EIF4G1: variants seen among roughly 807,000 people sequenced by gnomAD.
The protein encoded by EIF4G1 is EIF4-gamma.
In EIF4G1, 4 loss-of-function variants were observed where a neutral mutation model predicts 187.8. The observed-to-expected ratio is 0.02, with a 90% confidence interval of 0.01 to 0.05. EIF4G1 has a LOEUF of 0.05. Ranked by LOEUF, EIF4G1 falls within the 10% of genes least tolerant of loss-of-function variation. The pLI is 1.00. For synonymous variants in EIF4G1, 844 were observed against 781.4 expected (o/e 1.08, Z -1.34); for missense variants, 1,647 against 2,081.1 (o/e 0.79, Z 4.06).
intron 23 of EIF4G1, 67 bp downstream of exon 23, chr3:184,327,050 A>G (rs1286780534): frequency 3.1e-6 from 5 of 1,606,434 alleles, no homozygotes; most frequent in African/African-American, 1.3e-5. Flanking sequence ...GGTTGTTGCC[A>G]TAGGTTGGAA....
intron 32 of EIF4G1, among the ~76,000 whole-genome samples, chr3:184,332,760 A>G (rs1292217122): frequency 1.3e-5 from 2 of 152,070 alleles, no homozygotes; most frequent in African/African-American, 4.8e-5. Flanking sequence ...CTATGGTAGG[A>G]AGAACTTGAC....
chr3:184,329,774 G>A (rs1425781531), intron 28 of EIF4G1, among the ~76,000 whole-genome samples: 2 of 152,228 alleles, frequency 1.3e-5, no homozygotes, highest in East Asian at 3.8e-4. Flanking sequence ...TCAGGGTGCT[G>A]AAGCGGCTTT....
intron 6 of EIF4G1, among the ~76,000 whole-genome samples, chr3:184,318,924 A>G (rs569079115): frequency 7.6e-4 from 116 of 152,078 alleles, no homozygotes; most frequent in Non-Finnish European, 1.5e-3. Flanking sequence ...CTAAAAATAC[A>G]AAAATTAGGC....
intron 4 of EIF4G1, among the ~76,000 whole-genome samples, chr3:184,317,049 G>T (rs1478179850): frequency 6.6e-6 from 1 of 152,202 alleles, no homozygotes; most frequent in Non-Finnish European, 1.5e-5. Flanking sequence ...TCTGCAGAGG[G>T]GTAGTTTGGT....
chr3:184,321,155 A>G, intron 9 of EIF4G1, 127 bp from the exon 10 acceptor site: 4 of 1,493,170 alleles, frequency 2.7e-6, no homozygotes, highest in Non-Finnish European at 3.7e-6. Context: ...AAGTGGAAGT[A>G]TAGCTTAGGT....
chr3:184,328,032 T>C (rs1030983298), intron 26 of EIF4G1, 30 bp downstream of exon 26: 2 of 1,598,678 alleles, frequency 1.3e-6, no homozygotes, highest in Admixed American at 1.7e-5. Flanking sequence ...GCCTCCCACT[T>C]ATACAGACCC....
chr3:184,319,675 C>T lies in EIF4G1; in HGVS notation c.425-14C>T, dbSNP rs748681638. 4 of 1,517,598 alleles carry T rather than the reference C, an allele frequency of 2.6e-6. No individual in the cohort carries two copies. The highest frequency in any genetic ancestry group is 1.9e-5 in the Admixed American group (1 of 52,622). 94.0% of individuals were successfully genotyped at this position (1,517,598 alleles called of 1,614,324 possible). A position where few individuals can be genotyped will look rare whatever the true frequency, so the allele number is the denominator to read the frequency against. On this transcript the variant is annotated splice_polypyrimidine_tract_variant and intron_variant, in intron 6 of 32. Transcript: ENST00000346169. Reference sequence around the variant, plus strand: ...GACGCTACCACCATTCTTCTCCGTCCCCCCTCCCCCAAGCTGGCGCCTACT... The same window carrying T: ...GACGCTACCACCATTCTTCTCCGTCTCCCCTCCCCCAAGCTGGCGCCTACT...
In EIF4G1 at chr3:184,334,632, G is replaced by A; in HGVS notation, c.4619-95G>A. ...ACAAATGTCAGGCTGGTGCATCAGG[G>A]CCTTGTTTGAACAGTGGAACTTGGG... On this transcript the variant is annotated intron_variant, in intron 32 of 32. Transcript: ENST00000346169. This position sits in a 1 kb window ranked among gnomAD's most constrained non-coding sequence, Gnocchi z 5.8. 6.8e-7 allele frequency: 1 copy of A among 1,466,286 alleles called. No homozygotes were observed. 90.8% of individuals were successfully genotyped at this position (1,466,286 alleles called of 1,614,324 possible). A position where few individuals can be genotyped will look rare whatever the true frequency, so the allele number is the denominator to read the frequency against.
intron 28 of EIF4G1, among the ~76,000 whole-genome samples, chr3:184,330,044 A>G (rs950975541): frequency 4.6e-5 from 7 of 152,232 alleles, no homozygotes; most frequent in Non-Finnish European, 7.3e-5. Context: ...TGTGTATTTC[A>G]TCAACTCCAA....
At chr3:184,315,315 C>G (rs1398356498) in intron 1 of EIF4G1, 174 bp from the exon 2 acceptor site, 1 of 497,006 alleles carries the variant, frequency 2.0e-6, no homozygotes, top group African/African-American at 1.9e-5. Flanking sequence ...TCCTGTGTGC[C>G]CCTGGGCCAG....
At position 184,322,449 on chromosome 3, in the gene EIF4G1, A is replaced by T. The variant is rs199642332; in HGVS notation, c.1607A>T (p.Glu536Val). 1.2e-6 allele frequency: 2 copies of T among 1,614,098 alleles called. No homozygotes were observed. The highest frequency in any genetic ancestry group is 1.7e-6 in the Non-Finnish European group (2 of 1,180,016). ...AVGDLLDAFKEANPAVPEVEN... is the reference protein window; with the variant it reads ...AVGDLLDAFKVANPAVPEVEN... ...GGAGACCTTCTGGATGCCTTCAAGGAGGTAAGGGAGCAGAAAATGGGAGGG... is the reference window on the plus strand; with the variant it reads ...GGAGACCTTCTGGATGCCTTCAAGGTGGTAAGGGAGCAGAAAATGGGAGGG... Residue 536 changes from glutamate to valine, a missense_variant and splice_region_variant, in exon 11 of 33, where the codon GAG (glutamate) becomes GTG (valine). Transcript: ENST00000346169.
rs1012845224 is a variant in EIF4G1 at position 184,327,120 on chromosome 3, C to T, written c.3429-96C>T. On this transcript the variant is annotated intron_variant, in intron 23 of 32. Transcript: ENST00000346169. ...GTTAGATTGGGGCATACTCATTATG[C>T]TAAGAACAAGGCCCAACAGTTGCTC... The T allele has an allele frequency of 2.0e-5, 31 of 1,574,408 alleles. No homozygotes were observed. The South Asian group carries it at 2.2e-4, about 11-fold the overall frequency.
rs779808419 is a variant in EIF4G1, at chr3:184,321,970, A to G, written c.1386A>G (p.Glu462=). 26 of 1,613,630 alleles carry G rather than the reference A, an allele frequency of 1.6e-5. No homozygotes were observed. Among genetic ancestry groups the G allele is most frequent in the African/African-American group, 6.7e-5 (5 of 74,914 alleles). Residue 462 remains glutamate, a synonymous_variant, in exon 10 of 33, where the codon GAA becomes GAG. Transcript: ENST00000346169. ...AQEEEMEEEE[E]EEEGEAGEAG... ...AGGAGGAAATGGAAGAAGAAGAAGA[A>G]GAGGAAGAAGGAGAAGCAGGAGAAG...
At chr3:184,315,219 C>G in intron 1 of EIF4G1, 1 of 374,602 alleles carries the variant, frequency 2.7e-6, no homozygotes. Flanking sequence ...CTTTTAGGGC[C>G]TGACTCCCGC....
At position 184,322,558 on chromosome 3, in the gene EIF4G1, A is replaced by G; in HGVS notation, c.1623A>G (p.Val541=). The stretch of plus-strand genomic sequence containing the variant: ...TGTTGTTCTAGGCGAACCCGGCAGT[A>G]CCAGAGGTGGAAAATCAGCCTCCTG... The part of the protein sequence containing the change: ...LDAFKEANPA[V]PEVENQPPAG... The change falls in exon 12 of 33, where the codon GTA becomes GTG. Residue 541 remains valine, a synonymous_variant. Transcript: ENST00000346169. 1 of 1,614,164 alleles carries G rather than the reference A, an allele frequency of 6.2e-7. No individual in the cohort carries two copies. The highest frequency in any genetic ancestry group is 8.5e-7 in the Non-Finnish European group (1 of 1,180,030).
chr3:184,329,375 G>A (rs1179183496), intron 28 of EIF4G1, among the ~76,000 whole-genome samples: 1 of 152,240 alleles, frequency 6.6e-6, no homozygotes, highest in Non-Finnish European at 1.5e-5. Flanking sequence ...GCTCACGCCT[G>A]TAATCCCAGC....
intron 26 of EIF4G1, chr3:184,328,333 GT>G (rs1433327970): frequency 6.2e-6 from 3 of 487,718 alleles, no homozygotes; most frequent in Non-Finnish European, 1.1e-5. Context: ...GGAGGTTGCA[GT>G]GAGCCGAGAT....
chr3:184,329,165 T>C, intron 28 of EIF4G1, 175 bp downstream of exon 28: 1 of 729,676 alleles, frequency 1.4e-6, no homozygotes, highest in Non-Finnish European at 2.3e-6. Context: ...CCAGTTCCTA[T>C]CATGAGTTCT....
At chr3:184,327,539 G>C in intron 24 of EIF4G1, 47 bp from the exon 25 acceptor site, 16 of 1,613,288 alleles carry the variant, frequency 9.9e-6, no homozygotes, top group Non-Finnish European at 1.4e-5. Context: ...AATCTTGTTT[G>C]CTGGGAAGAC....
Sources: allele counts gnomAD v4.1 joint callset (sites outside exome capture counted in the v4.1 genomes callset), GRCh38; gene constraint gnomAD v4.1.1; non-coding constraint Gnocchi (gnomAD v3.1); transcripts MANE v1.5; gene names NCBI Gene and HGNC (gene_info 2026-07-23, HGNC 2026-07-21).